The following JAKMIP3 variants were observed in gnomAD, a reference collection of about 807,000 sequenced individuals.
The protein encoded by JAKMIP3 is Janus kinase and microtubule interacting protein 3, also known as janus kinase and microtubule-interacting protein 3.
JAKMIP3 carries 58 observed loss-of-function variants against 118.5 expected under a neutral mutation model. The ratio of observed to expected loss-of-function variants is 0.49; its 90% CI spans 0.40 to 0.61. JAKMIP3 has a LOEUF of 0.61. Among genes scored for constraint, JAKMIP3 ranks in the 20% least tolerant of loss-of-function variants. JAKMIP3 has a pLI of 0.00. For missense variants in JAKMIP3, 950 were observed against 1,109.0 expected (o/e 0.86, Z 2.04); for synonymous variants, 486 against 451.2 (o/e 1.08, Z -0.98).
At chr10:132,041,640 C>A (rs777477247) in intron 1 of JAKMIP3, among the ~76,000 whole-genome samples, 1 of 152,222 alleles carries the variant, frequency 6.6e-6, no homozygotes, top group South Asian at 2.1e-4. Context: ...TTGAGCACCA[C>A]GGTCAGGAAA....
At chr10:132,048,567 T>C (rs2037999763) in intron 1 of JAKMIP3, among the ~76,000 whole-genome samples, 1 of 152,208 alleles carries the variant, frequency 6.6e-6, no homozygotes, top group African/African-American at 2.4e-5. Flanking sequence ...TGTGTTCTGT[T>C]GACCAGCTCA....
At chr10:132,127,045 C>T (rs2135548564) in intron 3 of JAKMIP3, among the ~76,000 whole-genome samples, 1 of 152,118 alleles carries the variant, frequency 6.6e-6, no homozygotes, top group East Asian at 1.9e-4. Flanking sequence ...GAAAATTCAC[C>T]AGTGAAGCTA....
chr10:132,151,741 C>T (rs1359496715), intron 16 of JAKMIP3, among the ~76,000 whole-genome samples: 2 of 152,122 alleles, frequency 1.3e-5, no homozygotes, highest in South Asian at 2.1e-4. Context: ...CCATAGCTGT[C>T]CACCAAGAGT....
rs562769816 is a variant in JAKMIP3 at position 132,183,216 on chromosome 10, G to T, written c.*1963G>T. The T allele has an allele frequency of 3.9e-5, 6 of 152,364 alleles. No individual in the cohort carries two copies. Among genetic ancestry groups the T allele is most frequent in the African/African-American group, 1.2e-4 (5 of 41,580 alleles). The allele number at this position is 152,364 out of a possible 1,614,324, so 9.4% of individuals were successfully genotyped here. ...TGAACCGCTGGGTTGAAGTCCGATG[G>T]ACTCTACGATGCAGGCATCCAGAAA... On this transcript the variant is annotated 3_prime_UTR_variant, in exon 24 of 24. Transcript: ENST00000684848.
At chr10:132,100,424 C>T (rs1159175395) in intron 1 of JAKMIP3, among the ~76,000 whole-genome samples, 1 of 135,054 alleles carries the variant, frequency 7.4e-6, no homozygotes, top group Non-Finnish European at 1.6e-5. Context: ...GGTCTCTCTC[C>T]AGTCGCCCCG....
chr10:132,161,836 A>C (rs2058376395), intron 19 of JAKMIP3, among the ~76,000 whole-genome samples: 1 of 77,824 alleles, frequency 1.3e-5, no homozygotes, highest in Non-Finnish European at 2.3e-5. Flanking sequence ...TCTTGGGTGA[A>C]GCTAGGGGGT....
intron 2 of JAKMIP3, among the ~76,000 whole-genome samples, chr10:132,108,251 C>T (rs897962467): frequency 3.3e-5 from 5 of 152,160 alleles, no homozygotes; most frequent in South Asian, 2.1e-4. Flanking sequence ...CTGAGAGGCA[C>T]GGGGAGGCAT....
At chr10:132,128,060 G>A (rs776083835) in intron 3 of JAKMIP3, among the ~76,000 whole-genome samples, 10 of 151,932 alleles carry the variant, frequency 6.6e-5, no homozygotes, top group African/African-American at 1.9e-4. Flanking sequence ...TTTTCCCTTC[G>A]GCCTGAAAGA....
chr10:132,055,599 CCGG>C (rs1231659504), intron 1 of JAKMIP3, among the ~76,000 whole-genome samples: 1 of 152,194 alleles, frequency 6.6e-6, no homozygotes, highest in Non-Finnish European at 1.5e-5. Context: ...AGTTTGCCCG[CCGG>C]CAAGCAGGGT....
rs553329346 is a variant in JAKMIP3 at position 132,113,884 on chromosome 10, C to G, written c.136-3193C>G. Among the ~76,000 whole-genome samples the G allele has an allele frequency of 3.9e-5, 6 of 152,340 alleles. No homozygotes were observed. The South Asian group carries it at 1.2e-3, about 32-fold the overall frequency. Reference sequence around the variant, plus strand: ...TTCACTTTTACAATAAATCCATGGCCACGTGTGTGAGCCTGTGTCATAGAC... The same window carrying G: ...TTCACTTTTACAATAAATCCATGGCGACGTGTGTGAGCCTGTGTCATAGAC... On this transcript the variant is annotated intron_variant, in intron 2 of 23. Transcript: ENST00000684848.
intron 11 of JAKMIP3, among the ~76,000 whole-genome samples, chr10:132,142,566 C>T (rs1294037718): frequency 1.3e-5 from 2 of 152,246 alleles, no homozygotes; most frequent in East Asian, 1.9e-4. Flanking sequence ...TTCCCTGGCT[C>T]ACCTTAGCGT....
intron 23 of JAKMIP3, among the ~76,000 whole-genome samples, chr10:132,180,556 TGC>T (rs1565018349): frequency 0.013 from 53 of 4,018 alleles, 16 homozygotes; most frequent in African/African-American, 0.061. Flanking sequence ...CGTGCGTGCA[TGC>T]GTGTGTGTGC....
chr10:132,099,136 G>A (rs936446542), intron 1 of JAKMIP3, among the ~76,000 whole-genome samples: 2 of 152,056 alleles, frequency 1.3e-5, no homozygotes, highest in African/African-American at 4.8e-5. Context: ...TCTGCATCGC[G>A]TGGTGGTATT....
intron 1 of JAKMIP3, among the ~76,000 whole-genome samples, chr10:132,081,669 G>T (rs898920374): frequency 6.6e-6 from 1 of 152,012 alleles, no homozygotes; most frequent in Non-Finnish European, 1.5e-5. Context: ...TTGTCCTCCT[G>T]TTCTTTTATG....
Position 132,153,831 on chromosome 10 carries a change from G to A in JAKMIP3, c.2142+4G>A. The A allele has an allele frequency of 6.2e-7, 1 of 1,613,014 alleles. No homozygotes were observed. Among genetic ancestry groups the A allele is most frequent in the South Asian group, 1.1e-5 (1 of 91,056 alleles). On this transcript the variant is annotated splice_donor_region_variant and intron_variant, in intron 18 of 23. Transcript: ENST00000684848. ...GGTGGATCTGGAGAGCGAGAAGGTT[G>A]GTGGCACCTTCACCGAGGTTCTGCG... is the stretch of plus-strand genomic sequence containing the variant.
intron 1 of JAKMIP3, among the ~76,000 whole-genome samples, chr10:132,071,762 T>C (rs765424885): frequency 3.4e-4 from 52 of 152,110 alleles, no homozygotes; most frequent in Non-Finnish European, 6.8e-4. Context: ...ATATTTAGAG[T>C]GGGTTTCTTC....
chr10:132,154,013 A>G, intron 19 of JAKMIP3, 23 bp downstream of exon 19: 2 of 1,610,452 alleles, frequency 1.2e-6, no homozygotes, highest in Non-Finnish European at 1.7e-6. Context: ...AGACTGCTGG[A>G]ACCCCGGGGA....
intron 19 of JAKMIP3, among the ~76,000 whole-genome samples, chr10:132,155,176 G>A (rs1451329571): frequency 6.7e-6 from 1 of 149,622 alleles, no homozygotes; most frequent in East Asian, 2.0e-4. Flanking sequence ...TGGTAGTGGT[G>A]GTGATGATGG....
intron 19 of JAKMIP3, 65 bp downstream of exon 19, chr10:132,154,055 A>G: frequency 6.7e-7 from 1 of 1,487,212 alleles, no homozygotes; most frequent in Admixed American, 1.7e-5. Context: ...CACGTGGCTC[A>G]GGTGCCCAGC....
Sources: gnomAD v4.1 joint callset for allele counts (sites outside exome capture counted in the v4.1 genomes callset) on GRCh38, gnomAD v4.1.1 for gene constraint, MANE v1.5 for transcripts, NCBI Gene and HGNC (gene_info 2026-07-23, HGNC 2026-07-21) for gene names.